The following SLC26A7 variants were observed in gnomAD, a reference collection of about 807,000 sequenced individuals.
The protein encoded by SLC26A7 is anion exchange transporter.
SLC26A7 carries 59 observed loss-of-function variants against 82.5 expected under a neutral mutation model. The ratio of observed to expected loss-of-function variants is 0.72; its 90% CI spans 0.58 to 0.89. The LOEUF is 0.89. Among genes scored for constraint, SLC26A7 ranks in the 40% least tolerant of loss-of-function variants. The pLI, the probability that SLC26A7 is intolerant of heterozygous loss-of-function variation, is 0.00. For missense variants in SLC26A7, 820 were observed against 793.0 expected (o/e 1.03, Z -0.41); for synonymous variants, 271 against 274.3 (o/e 0.99, Z 0.12).
chr8:91,255,734 T>C lies in SLC26A7; in HGVS notation c.193+5890T>C, dbSNP rs563317061. On this transcript the variant is annotated intron_variant, in intron 2 of 18. Transcript: ENST00000276609. ...TGACTCCTGTTTTATTTTTCTTTAA[T>C]GCAAAACAATGATGGTTTAGATATT... is the stretch of plus-strand genomic sequence containing the variant. 2.0e-5 allele frequency among the ~76,000 whole-genome samples: 3 copies of C among 152,252 alleles called. No homozygotes were observed. The South Asian group carries it at 6.2e-4, about 32-fold the overall frequency.
In SLC26A7 at chr8:91,334,371, T is replaced by G; in HGVS notation, c.719T>G (p.Val240Gly). 6.2e-7 allele frequency: 1 copy of G among 1,613,522 alleles called. No homozygotes were observed. Among genetic ancestry groups the G allele is most frequent in the Non-Finnish European group, 8.5e-7 (1 of 1,179,610 alleles). Residue 240 changes from valine (V) to glycine (G), a missense_variant, in exon 6 of 19, where the codon GTC becomes GGC. Coordinates refer to ENST00000276609, the MANE Select transcript of SLC26A7 (RefSeq NM_052832.4). The stretch of plus-strand genomic sequence containing the variant: ...CTTTTATCCTTGCTGAGCATTGTGG[T>G]CCTTGTTCTTGTTAAAGAGCTGAAT... Reference protein sequence around the residue: ...ALLLSLLSIVVLVLVKELNEQ... With the variant: ...ALLLSLLSIVGLVLVKELNEQ...
intron 5 of SLC26A7, among the ~76,000 whole-genome samples, chr8:91,328,043 T>C (rs940963889): frequency 3.3e-5 from 5 of 152,124 alleles, no homozygotes; most frequent in African/African-American, 1.2e-4. Context: ...AAAGTAATGT[T>C]TTGATTAATA....
intron 2 of SLC26A7, among the ~76,000 whole-genome samples, chr8:91,266,978 T>C (rs1225546830): frequency 6.6e-6 from 1 of 151,982 alleles, no homozygotes; most frequent in Non-Finnish European, 1.5e-5. Context: ...ATACTTTTTC[T>C]TCATCTTTGA....
At chr8:91,327,108 C>G (rs537857151) in intron 5 of SLC26A7, among the ~76,000 whole-genome samples, 1 of 151,872 alleles carries the variant, frequency 6.6e-6, no homozygotes, top group Non-Finnish European at 1.5e-5. Flanking sequence ...AGAATGTAGA[C>G]TTTTTTTTGG....
chr8:91,282,536 C>G (rs994495701), intron 2 of SLC26A7, among the ~76,000 whole-genome samples: 2 of 152,128 alleles, frequency 1.3e-5, no homozygotes, highest in African/African-American at 4.8e-5. Flanking sequence ...GTTGGATTTC[C>G]TCTGGCACCA....
intron 2 of SLC26A7, among the ~76,000 whole-genome samples, chr8:91,279,770 A>G (rs1811518615): frequency 1.3e-5 from 2 of 152,094 alleles, no homozygotes; most frequent in African/African-American, 4.8e-5. Context: ...TGTGTTAGCC[A>G]GGATGGTCTC....
At chr8:91,277,767 A>G (rs2130745434) in intron 2 of SLC26A7, among the ~76,000 whole-genome samples, 1 of 152,374 alleles carries the variant, frequency 6.6e-6, no homozygotes, top group South Asian at 2.1e-4. Flanking sequence ...TAAACTTCAC[A>G]TATTATTAAC....
At chr8:91,370,519 A>G (rs961211585) in intron 15 of SLC26A7, among the ~76,000 whole-genome samples, 3 of 152,068 alleles carry the variant, frequency 2.0e-5, no homozygotes, top group Non-Finnish European at 4.4e-5. Context: ...AGCACTTTAA[A>G]GCTATTACAT....
At chr8:91,369,497 G>A (rs1814293933) in intron 14 of SLC26A7, among the ~76,000 whole-genome samples, 1 of 151,800 alleles carries the variant, frequency 6.6e-6, no homozygotes, top group East Asian at 1.9e-4. Flanking sequence ...ATGTGCAAAT[G>A]TTTAATTTCT....
intron 4 of SLC26A7, among the ~76,000 whole-genome samples, chr8:91,314,271 C>CCGGG (rs940759140): frequency 3.9e-5 from 6 of 152,134 alleles, no homozygotes; most frequent in Admixed American, 1.3e-4. Flanking sequence ...AATTTAAATA[C>CCGGG]TGGGTCTCCA....
intron 5 of SLC26A7, among the ~76,000 whole-genome samples, chr8:91,332,616 C>T (rs1162071472): frequency 6.6e-6 from 1 of 150,884 alleles, no homozygotes; most frequent in Non-Finnish European, 1.5e-5. Context: ...TAACCTAGAA[C>T]TCCTGGGCTT....
intron 16 of SLC26A7, among the ~76,000 whole-genome samples, chr8:91,390,574 C>A (rs1814934929): frequency 6.6e-6 from 1 of 152,110 alleles, no homozygotes; most frequent in African/African-American, 2.4e-5. Flanking sequence ...GCCTGTGAAT[C>A]GGCTCACCTC....
At chr8:91,391,090 A>G (rs1814954251) in intron 16 of SLC26A7, among the ~76,000 whole-genome samples, 1 of 152,202 alleles carries the variant, frequency 6.6e-6, no homozygotes, top group South Asian at 2.1e-4. Flanking sequence ...GTGGTGTAGC[A>G]TACCTTGTGT....
At chr8:91,300,923 G>A (rs1812149051) in intron 4 of SLC26A7, among the ~76,000 whole-genome samples, 1 of 138,558 alleles carries the variant, frequency 7.2e-6, no homozygotes, top group African/African-American at 3.2e-5. Flanking sequence ...TATAAATTGT[G>A]TCCTATTTTG....
intron 8 of SLC26A7, among the ~76,000 whole-genome samples, chr8:91,342,094 C>CT (rs373521103): frequency 0.065 from 9,606 of 148,478 alleles, 331 homozygotes; most frequent in Non-Finnish European, 0.086. Flanking sequence ...TGCCTGGCTA[C>CT]TTTTTTTTTT....
chr8:91,375,912 C>T (rs1363121696), intron 15 of SLC26A7, among the ~76,000 whole-genome samples: 1 of 151,906 alleles, frequency 6.6e-6, no homozygotes, highest in Non-Finnish European at 1.5e-5. Context: ...TTTCAAATTT[C>T]TTAAAGGCTT....
intron 2 of SLC26A7, among the ~76,000 whole-genome samples, chr8:91,229,903 G>A (rs956218563): frequency 8.5e-5 from 13 of 152,238 alleles, no homozygotes; most frequent in East Asian, 3.9e-4. Flanking sequence ...TAAAAAATTC[G>A]TTTATCTGAA....
chr8:91,331,877 G>A (rs539460712), intron 5 of SLC26A7, among the ~76,000 whole-genome samples: 1 of 152,002 alleles, frequency 6.6e-6, no homozygotes, highest in Admixed American at 6.6e-5. Context: ...CTTATAGTTT[G>A]AATTTACATC....
At chr8:91,254,393 CT>C (rs1421991823) in intron 2 of SLC26A7, among the ~76,000 whole-genome samples, 2 of 152,142 alleles carry the variant, frequency 1.3e-5, no homozygotes, top group Non-Finnish European at 2.9e-5. Flanking sequence ...TGCCAAGACA[CT>C]TTCTAACATA....
Sources: allele counts gnomAD v4.1 joint callset (sites outside exome capture counted in the v4.1 genomes callset), GRCh38; gene constraint gnomAD v4.1.1; transcripts MANE v1.5; gene names NCBI Gene and HGNC (gene_info 2026-07-23, HGNC 2026-07-21).